Variants in RERE observed in about 807,000 individuals in gnomAD.
RERE encodes arginine-glutamic acid dipeptide repeats.
RERE carries 40 observed loss-of-function variants against 146.1 expected under a neutral mutation model. The observed-to-expected ratio is 0.27, with a 90% CI of 0.21 to 0.36. RERE has a LOEUF of 0.36. Among genes scored for constraint, RERE ranks in the 10% least tolerant of loss-of-function variants. The pLI is 1.00. For missense variants in RERE, 1,933 were observed against 2,138.7 expected (o/e 0.90, Z 1.90); for synonymous variants, 1,003 against 866.0 (o/e 1.16, Z -2.78).
At chr1:8,781,691 G>C (rs2124561106) in intron 1 of RERE, among the ~76,000 whole-genome samples, 1 of 150,518 alleles carries the variant, frequency 6.6e-6, no homozygotes, top group Non-Finnish European at 1.5e-5. Flanking sequence ...AATTCATCTA[G>C]AATGCCTGGG....
chr1:8,634,273 C>T lies in RERE; in HGVS notation c.326-9893G>A, dbSNP rs1451623988. 2.6e-5 allele frequency among the ~76,000 whole-genome samples: 4 copies of T among 152,294 alleles called. No individual in the cohort carries two copies. The East Asian group carries it at 7.7e-4, about 29-fold the overall frequency. ...CAACCTGTTCTATTCAGTTATCTGCCCACTCAATGCCTATTACTAACGTAT... is the reference window on the plus strand; with the variant it reads ...CAACCTGTTCTATTCAGTTATCTGCTCACTCAATGCCTATTACTAACGTAT... On this transcript the variant is annotated intron_variant, in intron 2 of 22. Transcript: ENST00000400908.
intron 1 of RERE, among the ~76,000 whole-genome samples, chr1:8,815,829 T>TGTGTG (rs1641900500): frequency 2.0e-5 from 3 of 149,850 alleles, no homozygotes; most frequent in Admixed American, 6.7e-5. Context: ...CAGCTTGGTA[T>TGTGTG]TGTGTGTGTG....
At chr1:8,815,829 T>TTTTGTG (rs1553152686) in intron 1 of RERE, among the ~76,000 whole-genome samples, 3 of 149,850 alleles carry the variant, frequency 2.0e-5, no homozygotes, top group Non-Finnish European at 3.0e-5. Context: ...CAGCTTGGTA[T>TTTTGTG]TGTGTGTGTG....
intron 10 of RERE, among the ~76,000 whole-genome samples, chr1:8,471,972 C>T (rs1402225328): frequency 1.3e-5 from 2 of 152,096 alleles, no homozygotes; most frequent in East Asian, 1.9e-4. Context: ...TCACCACGCC[C>T]GGCTAATTTT....
intron 3 of RERE, among the ~76,000 whole-genome samples, chr1:8,622,485 TTAAAAA>T (rs1288830293): frequency 5.8e-5 from 4 of 69,402 alleles, no homozygotes; most frequent in East Asian, 6.9e-4. Context: ...CTGTATCTGT[TTAAAAA>T]AAAAAAAAAA....
chr1:8,574,501 C>T (rs1346503875), intron 4 of RERE, among the ~76,000 whole-genome samples: 3 of 151,904 alleles, frequency 2.0e-5, no homozygotes, highest in African/African-American at 4.8e-5. Flanking sequence ...CCCGCCACCA[C>T]GCCCGGCTAA....
chr1:8,628,444 T>A (rs1393818887), intron 2 of RERE, among the ~76,000 whole-genome samples: 2 of 152,218 alleles, frequency 1.3e-5, no homozygotes, highest in Non-Finnish European at 1.5e-5. Flanking sequence ...AATTCATTTT[T>A]AAAATCAAAG....
chr1:8,443,764 G>A (rs1644283072), intron 11 of RERE, among the ~76,000 whole-genome samples: 2 of 152,190 alleles, frequency 1.3e-5, no homozygotes, highest in African/African-American at 2.4e-5. Context: ...GGCTCAAAGG[G>A]CCTCTGATAC....
Position 8,355,114 on chromosome 1 carries a change from C to T in RERE, c.4674G>A (p.Leu1558=). 1 of 1,614,036 alleles carries T rather than the reference C, an allele frequency of 6.2e-7. No homozygotes were observed. Among genetic ancestry groups the T allele is most frequent in the East Asian group, 2.2e-5 (1 of 44,892 alleles). ...ATAACTGCTTGTCACCTTCTTTCTT[C>T]AGTCGACTGGAAAGACAAAACAGGA... The part of the protein sequence containing the change: ...LPSQEDYYSR[L]KKEGDKQL Residue 1558 remains leucine (L), a synonymous_variant, in exon 23 of 23, where the codon CTG becomes CTA. Coordinates refer to ENST00000400908, the MANE Select transcript of RERE (RefSeq NM_001042681.2).
chr1:8,390,844 CG>C (rs564798495), intron 12 of RERE, among the ~76,000 whole-genome samples: 1,538 of 152,260 alleles, frequency 0.01, 8 homozygotes, highest in Non-Finnish European at 0.017. Flanking sequence ...TCTGTGCCAG[CG>C]GGGGGTCCTC....
At chr1:8,632,372 T>A (rs1198001747) in intron 2 of RERE, among the ~76,000 whole-genome samples, 2 of 152,192 alleles carry the variant, frequency 1.3e-5, no homozygotes, top group African/African-American at 4.8e-5. Context: ...AGCCTGGGCT[T>A]TACAATAAAT....
chr1:8,441,372 A>G (rs1644246074), intron 11 of RERE, among the ~76,000 whole-genome samples: 1 of 152,054 alleles, frequency 6.6e-6, no homozygotes, highest in Non-Finnish European at 1.5e-5. Flanking sequence ...TTCTATCCCC[A>G]CCACTGCCCC....
Position 8,545,982 on chromosome 1 carries a change from C to CTTTTTTTTTTT in RERE, c.726-4675_726-4665dup, listed in dbSNP as rs3050828. On this transcript the variant is annotated intron_variant, in intron 6 of 22. Transcript: ENST00000400908. ...ACAGGTGCAAGCTACCATACCCAGT[C>CTTTTTTTTTTT]TTTTTTTTTTTTTTTTTTTTTTTTT... is the stretch of plus-strand genomic sequence containing the variant. Among the ~76,000 whole-genome samples, 77 of 69,478 alleles carry CTTTTTTTTTTT rather than the reference C, an allele frequency of 1.1e-3. 6 individuals are homozygous for CTTTTTTTTTTT. Among genetic ancestry groups the CTTTTTTTTTTT allele is most frequent in the African/African-American group, 2.5e-3 (42 of 16,700 alleles). 45.6% of individuals were successfully genotyped at this position (69,478 alleles called of 152,430 possible).
At position 8,423,373 on chromosome 1, in the gene RERE, A is replaced by T; in HGVS notation, c.1204-566T>A. On this transcript the variant is annotated intron_variant, in intron 11 of 22. Coordinates refer to ENST00000400908, the MANE Select transcript of RERE (RefSeq NM_001042681.2). This position sits in a 1 kb window ranked among gnomAD's most constrained non-coding sequence, Gnocchi z 5.4. ...CGGGCCTGCCCCACCGTCCGTCATTAAAAGCCACTCCGAGACACCAGAGAA... is the reference window on the plus strand; with the variant it reads ...CGGGCCTGCCCCACCGTCCGTCATTTAAAGCCACTCCGAGACACCAGAGAA... 1 of 227,700 alleles carries T rather than the reference A, an allele frequency of 4.4e-6. No homozygotes were observed. The highest frequency in any genetic ancestry group is 7.3e-6 in the Non-Finnish European group (1 of 137,162). The allele number at this position is 227,700 out of a possible 1,614,324, so 14.1% of individuals were successfully genotyped here.
intron 1 of RERE, among the ~76,000 whole-genome samples, chr1:8,704,418 T>C (rs1639518873): frequency 6.6e-6 from 1 of 152,232 alleles, no homozygotes; most frequent in Non-Finnish European, 1.5e-5. Flanking sequence ...AAATGATTAC[T>C]TCTGGTATCT....
At chr1:8,802,492 C>G (rs1199199181) in intron 1 of RERE, among the ~76,000 whole-genome samples, 1 of 152,152 alleles carries the variant, frequency 6.6e-6, no homozygotes, top group Non-Finnish European at 1.5e-5. Flanking sequence ...ATGCAATTTC[C>G]TGCCTCAAAT....
chr1:8,605,845 CT>C (rs60346942), intron 4 of RERE, among the ~76,000 whole-genome samples: 7 of 93,214 alleles, frequency 7.5e-5, no homozygotes, highest in Admixed American at 1.6e-4. Context: ...AAATACCAAA[CT>C]TTTTTTTTTT....
chr1:8,514,117 T>G (rs541595640), intron 7 of RERE, among the ~76,000 whole-genome samples: 69 of 152,282 alleles, frequency 4.5e-4, no homozygotes, highest in African/African-American at 1.7e-3. Flanking sequence ...GAGTGGTGAG[T>G]ACAAGCTTTT....
intron 10 of RERE, among the ~76,000 whole-genome samples, chr1:8,491,320 A>T (rs900527059): frequency 6.6e-6 from 1 of 152,106 alleles, no homozygotes; most frequent in African/African-American, 2.4e-5. Flanking sequence ...CATGCCTGCA[A>T]TCCCAGCTAC....
Sources: allele counts gnomAD v4.1 joint callset (sites outside exome capture counted in the v4.1 genomes callset), GRCh38; gene constraint gnomAD v4.1.1; non-coding constraint Gnocchi (gnomAD v3.1); transcripts MANE v1.5; gene names NCBI Gene and HGNC (gene_info 2026-07-23, HGNC 2026-07-21).